The following RGL1 variants were observed in gnomAD, a reference collection of about 807,000 sequenced individuals.
RGL1 encodes the protein ral guanine nucleotide dissociation stimulator-like 1.
RGL1 carries 24 observed loss-of-function variants against 95.2 expected under a neutral mutation model. That is an observed-to-expected ratio of 0.25 (90% confidence interval 0.18 to 0.35). The LOEUF is 0.35. Among genes scored for constraint, RGL1 ranks in the 10% least tolerant of loss-of-function variants. The pLI, the probability that RGL1 is intolerant of heterozygous loss-of-function variation, is 1.00. For missense variants in RGL1, 715 were observed against 936.3 expected (o/e 0.76, Z 3.08); for synonymous variants, 329 against 344.9 (o/e 0.95, Z 0.51).
intron 1 of RGL1, among the ~76,000 whole-genome samples, chr1:183,651,438 A>G (rs956509406): frequency 4.6e-5 from 7 of 152,208 alleles, no homozygotes; most frequent in Admixed American, 2.6e-4. Context: ...CTCAGCCCAC[A>G]TCAGCTCATT....
intron 16 of RGL1, among the ~76,000 whole-genome samples, chr1:183,919,525 G>A (rs1042805231): frequency 3.3e-5 from 5 of 152,214 alleles, no homozygotes; most frequent in South Asian, 4.1e-4. Context: ...GGGACCCCAC[G>A]GGCCATAGAT....
intron 1 of RGL1, 83 bp downstream of exon 1, chr1:183,805,407 C>G (rs953167494): frequency 8.0e-7 from 1 of 1,245,596 alleles, no homozygotes; most frequent in East Asian, 2.4e-5. Context: ...TTTGGACTCC[C>G]TCGGAGTGAA....
chr1:183,687,310 G>T (rs1653650212), intron 1 of RGL1, among the ~76,000 whole-genome samples: 1 of 152,168 alleles, frequency 6.6e-6, no homozygotes, highest in Non-Finnish European at 1.5e-5. Context: ...TGGCAGGTAG[G>T]TTTCGTGTTG....
intron 2 of RGL1, among the ~76,000 whole-genome samples, chr1:183,835,010 C>T (rs1663538542): frequency 6.6e-6 from 1 of 152,146 alleles, no homozygotes; most frequent in African/African-American, 2.4e-5. Flanking sequence ...GTTTTAATGA[C>T]TGATACCAAG....
chr1:183,686,923 A>G (rs537821541), intron 1 of RGL1, among the ~76,000 whole-genome samples: 2 of 152,298 alleles, frequency 1.3e-5, no homozygotes, highest in African/African-American at 4.8e-5. Flanking sequence ...AGACTTCTCC[A>G]TTTTAGCTAT....
intron 7 of RGL1, 34 bp from the exon 8 acceptor site, chr1:183,888,440 A>C: frequency 1.6e-6 from 2 of 1,237,752 alleles, no homozygotes; most frequent in Non-Finnish European, 2.4e-6. Flanking sequence ...TTGATAGTTA[A>C]ATGCCTTTTA....
chr1:183,786,988 T>C (rs1437666205), intron 2 of RGL1, among the ~76,000 whole-genome samples: 1 of 152,232 alleles, frequency 6.6e-6, no homozygotes, highest in Non-Finnish European at 1.5e-5. Context: ...ATAAACATGC[T>C]GTAGTGATTA....
At chr1:183,671,503 C>G (rs1291505098) in intron 1 of RGL1, among the ~76,000 whole-genome samples, 1 of 152,160 alleles carries the variant, frequency 6.6e-6, no homozygotes. Flanking sequence ...TTGGTATTGT[C>G]AGTGAAAGGA....
intron 3 of RGL1, among the ~76,000 whole-genome samples, chr1:183,851,743 G>A (rs1312168045): frequency 6.6e-6 from 1 of 152,188 alleles, no homozygotes; most frequent in Non-Finnish European, 1.5e-5. Flanking sequence ...ACCTCAACAT[G>A]AGTATTTCTT....
intron 1 of RGL1, among the ~76,000 whole-genome samples, chr1:183,662,804 T>C (rs1651738647): frequency 6.6e-6 from 1 of 152,144 alleles, no homozygotes; most frequent in Non-Finnish European, 1.5e-5. Flanking sequence ...CTACCTGAGT[T>C]CAAACTATAC....
intron 3 of RGL1, among the ~76,000 whole-genome samples, chr1:183,861,263 C>A (rs1321010414): frequency 6.6e-6 from 1 of 152,168 alleles, no homozygotes; most frequent in Non-Finnish European, 1.5e-5. Flanking sequence ...GATCACCCGC[C>A]TCCTGATCTG....
intron 2 of RGL1, among the ~76,000 whole-genome samples, chr1:183,749,443 C>T (rs1243024411): frequency 6.6e-6 from 1 of 152,060 alleles, no homozygotes; most frequent in Non-Finnish European, 1.5e-5. Flanking sequence ...GATTGCAACC[C>T]CTATGTGTGT....
chr1:183,825,260 C>T (rs180738902), intron 2 of RGL1, among the ~76,000 whole-genome samples: 2 of 152,172 alleles, frequency 1.3e-5, no homozygotes, highest in East Asian at 3.9e-4. Context: ...TAGAGGAGTA[C>T]ATTTGGGTAT....
intron 2 of RGL1, among the ~76,000 whole-genome samples, chr1:183,792,597 A>G (rs1413837745): frequency 6.6e-6 from 1 of 152,154 alleles, no homozygotes; most frequent in Non-Finnish European, 1.5e-5. Flanking sequence ...TAGAACTGAT[A>G]AGAGAATTCA....
chr1:183,761,896 T>A (rs1658683029), intron 2 of RGL1, among the ~76,000 whole-genome samples: 1 of 152,214 alleles, frequency 6.6e-6, no homozygotes, highest in Non-Finnish European at 1.5e-5. Flanking sequence ...TATGGAGATG[T>A]CTTCTTCTCT....
At chr1:183,700,702 C>T (rs967772024) in intron 1 of RGL1, among the ~76,000 whole-genome samples, 2 of 151,998 alleles carry the variant, frequency 1.3e-5, no homozygotes, top group Non-Finnish European at 2.9e-5. Flanking sequence ...CACACCACCA[C>T]ACTTGGCTAA....
intron 2 of RGL1, among the ~76,000 whole-genome samples, chr1:183,756,750 G>A (rs1658362941): frequency 6.6e-6 from 1 of 152,044 alleles, no homozygotes; most frequent in Admixed American, 6.5e-5. Context: ...AGGCCTCTTA[G>A]TCTTCTTCTT....
At position 183,926,351 on chromosome 1, in the gene RGL1, G is replaced by A. The variant is rs1669616041; in HGVS notation, c.*59G>A. Reference sequence around the variant, plus strand: ...GCAGAGTGGGGCTGAGAAACAGGCTGCGGTGATTGCAATTACCATCCGGTG... The same window carrying A: ...GCAGAGTGGGGCTGAGAAACAGGCTACGGTGATTGCAATTACCATCCGGTG... On this transcript the variant is annotated 3_prime_UTR_variant, in exon 18 of 18. Coordinates refer to ENST00000360851, the MANE Select transcript of RGL1 (RefSeq NM_001297671.3). The A allele has an allele frequency of 2.1e-6, 3 of 1,438,906 alleles. No individual in the cohort carries two copies. Among genetic ancestry groups the A allele is most frequent in the Non-Finnish European group, 2.8e-6 (3 of 1,057,664 alleles). The allele number at this position is 1,438,906 out of a possible 1,614,324, so 89.1% of individuals were successfully genotyped here.
chr1:183,686,351 T>C (rs935113741), intron 1 of RGL1, among the ~76,000 whole-genome samples: 1 of 152,236 alleles, frequency 6.6e-6, no homozygotes, highest in Admixed American at 6.5e-5. Context: ...ATATTTTCTC[T>C]TTTCAGTTGG....
Sources: gnomAD v4.1 joint callset for allele counts (sites outside exome capture counted in the v4.1 genomes callset) on GRCh38, gnomAD v4.1.1 for gene constraint, MANE v1.5 for transcripts, NCBI Gene and HGNC (gene_info 2026-07-23, HGNC 2026-07-21) for gene names.